ENPP6: variants seen among roughly 807,000 people sequenced by gnomAD.
ENPP6 encodes ectonucleotide pyrophosphatase/phosphodiesterase 6.
In ENPP6, 32 loss-of-function variants were observed where a neutral mutation model predicts 42.0. The ratio of observed to expected loss-of-function variants is 0.76; its 90% CI spans 0.58 to 1.02. ENPP6 has a LOEUF of 1.02. Ranked by LOEUF, ENPP6 falls within the 50% of genes least tolerant of loss-of-function variation. The probability of loss-of-function intolerance (pLI) is 0.00; values close to 1 mark genes in which losing one functional copy is unlikely to be tolerated. For missense variants in ENPP6, 552 were observed against 566.8 expected, an observed-to-expected ratio of 0.97 and a Z score of 0.27; for synonymous variants, 213 against 216.0, an observed-to-expected ratio of 0.99 and a Z score of 0.12.
At chr4:184,162,584 G>GAAGGAAGGAAGT (rs1477735148) in intron 1 of ENPP6, among the ~76,000 whole-genome samples, 132 of 151,816 alleles carry the variant, frequency 8.7e-4, no homozygotes, top group African/African-American at 3.1e-3. Context: ...AGAAAGGAAG[G>GAAGGAAGGAAGT]AAGAGAGGGA....
chr4:184,107,050 C>T (rs1736109571), intron 6 of ENPP6, among the ~76,000 whole-genome samples: 1 of 152,202 alleles, frequency 6.6e-6, no homozygotes, highest in South Asian at 2.1e-4. Context: ...CCCACCGTGA[C>T]ATTGTGACAA....
intron 6 of ENPP6, among the ~76,000 whole-genome samples, chr4:184,097,989 C>G (rs537491263): frequency 1.3e-5 from 2 of 152,250 alleles, no homozygotes; most frequent in African/African-American, 4.8e-5. Flanking sequence ...GTGAAGCCCA[C>G]GGGGCGTGCG....
intron 2 of ENPP6, among the ~76,000 whole-genome samples, chr4:184,143,004 A>G (rs998242837): frequency 6.6e-6 from 1 of 152,192 alleles, no homozygotes; most frequent in African/African-American, 2.4e-5. Context: ...CACGTGCCTC[A>G]TGACCTTCTC....
At chr4:184,100,351 A>C (rs1015414427) in intron 6 of ENPP6, among the ~76,000 whole-genome samples, 2 of 152,166 alleles carry the variant, frequency 1.3e-5, no homozygotes, top group African/African-American at 4.8e-5. Flanking sequence ...CAGGCCCATG[A>C]AGAAGGGCCC....
chr4:184,126,569 A>T (rs1201222667), intron 2 of ENPP6, among the ~76,000 whole-genome samples: 1 of 152,254 alleles, frequency 6.6e-6, no homozygotes, highest in Non-Finnish European at 1.5e-5. Context: ...GCAAAGCAAC[A>T]GTTTTATCAA....
At position 184,146,410 on chromosome 4, in the gene ENPP6, C is replaced by A. The variant is rs547207708; in HGVS notation, c.421+7144G>T. On this transcript the variant is annotated intron_variant, in intron 2 of 7. Transcript: ENST00000296741. Reference sequence around the variant, plus strand: ...GCGCCACTGCACTCCAGCCTGGGCTCCAGAGCGAGACTCCGTTTCAAAAAA... The same window carrying A: ...GCGCCACTGCACTCCAGCCTGGGCTACAGAGCGAGACTCCGTTTCAAAAAA... 1.8e-4 allele frequency among the ~76,000 whole-genome samples: 26 copies of A among 147,506 alleles called. No homozygotes were observed. The East Asian group carries it at 3.2e-3, about 18-fold the overall frequency.
At chr4:184,207,057 C>T (rs980782600) in intron 1 of ENPP6, among the ~76,000 whole-genome samples, 3 of 152,252 alleles carry the variant, frequency 2.0e-5, no homozygotes, top group Non-Finnish European at 2.9e-5. Flanking sequence ...TGCCTGCTCC[C>T]CCATCTCAGC....
At chr4:184,202,690 C>T (rs2111116667) in intron 1 of ENPP6, among the ~76,000 whole-genome samples, 1 of 152,222 alleles carries the variant, frequency 6.6e-6, no homozygotes, top group East Asian at 1.9e-4. Context: ...TTTTTTCAGC[C>T]TGGGTCCCAG....
At chr4:184,152,138 C>T (rs963266838) in intron 2 of ENPP6, among the ~76,000 whole-genome samples, 17 of 152,174 alleles carry the variant, frequency 1.1e-4, no homozygotes, top group African/African-American at 4.1e-4. Flanking sequence ...AGCTCACCTG[C>T]GGGTGAGGCC....
At chr4:184,213,011 G>C (rs1275120872) in intron 1 of ENPP6, among the ~76,000 whole-genome samples, 2 of 151,754 alleles carry the variant, frequency 1.3e-5, no homozygotes, top group Non-Finnish European at 2.9e-5. Context: ...TTTAATAAAT[G>C]GTGCTGGGAA....
chr4:184,164,779 G>A (rs1429036967), intron 1 of ENPP6, among the ~76,000 whole-genome samples: 1 of 152,152 alleles, frequency 6.6e-6, no homozygotes, highest in Admixed American at 6.5e-5. Context: ...TGTTAGCCCC[G>A]CTTTCCAGGT....
chr4:184,165,636 C>T (rs1339614455), intron 1 of ENPP6, among the ~76,000 whole-genome samples: 8 of 66,696 alleles, frequency 1.2e-4, no homozygotes, highest in African/African-American at 6.1e-4. Flanking sequence ...ACTGTAAATA[C>T]CTCTAAGGAG....
At chr4:184,158,149 T>C (rs1737205444) in intron 1 of ENPP6, among the ~76,000 whole-genome samples, 1 of 152,240 alleles carries the variant, frequency 6.6e-6, no homozygotes, top group South Asian at 2.1e-4. Context: ...CAGTCTGCTA[T>C]GGACAATAAT....
Position 184,117,459 on chromosome 4 carries a change from C to A in ENPP6, c.675+300G>T, listed in dbSNP as rs148392984. Among the ~76,000 whole-genome samples, 679 of 152,348 alleles carry A rather than the reference C, an allele frequency of 4.5e-3. 23 individuals carry two copies. Among genetic ancestry groups the A allele is most frequent in the Admixed American group, 0.04 (614 of 15,300 alleles). On this transcript the variant is annotated intron_variant, in intron 4 of 7. Coordinates refer to ENST00000296741, the MANE Select transcript of ENPP6 (RefSeq NM_153343.4). ...CGTAAGGTAGAATCAGGACTGGAACCTGTCTACATGTCAAGCTGCTACCAA... is the reference window on the plus strand; with the variant it reads ...CGTAAGGTAGAATCAGGACTGGAACATGTCTACATGTCAAGCTGCTACCAA...
At chr4:184,154,126 T>C (rs775454744) in intron 1 of ENPP6, among the ~76,000 whole-genome samples, 4 of 152,252 alleles carry the variant, frequency 2.6e-5, no homozygotes, top group Non-Finnish European at 5.9e-5. Context: ...CCTCCTCCCG[T>C]GAGATCAGCA....
intron 1 of ENPP6, among the ~76,000 whole-genome samples, chr4:184,158,347 G>A (rs1028481744): frequency 6.6e-6 from 1 of 151,916 alleles, no homozygotes; most frequent in Admixed American, 6.6e-5. Flanking sequence ...TGGCAGTGTC[G>A]AACCACAAAA....
chr4:184,151,700 C>A (rs1031157622), intron 2 of ENPP6, among the ~76,000 whole-genome samples: 1 of 152,184 alleles, frequency 6.6e-6, no homozygotes, highest in Non-Finnish European at 1.5e-5. Flanking sequence ...AATCCATTCC[C>A]TCTGCTATGC....
intron 1 of ENPP6, among the ~76,000 whole-genome samples, chr4:184,185,462 C>T (rs560786385): frequency 6.6e-6 from 1 of 152,194 alleles, no homozygotes; most frequent in Non-Finnish European, 1.5e-5. Flanking sequence ...GCCACATGGT[C>T]TCAGCCTCTG....
At chr4:184,203,838 G>T (rs1485818103) in intron 1 of ENPP6, 1 of 152,226 alleles carries the variant, frequency 6.6e-6, no homozygotes, top group Non-Finnish European at 1.5e-5. Context: ...GTTTGGTCAT[G>T]GAAGTGGGCT....
Sources: gnomAD v4.1 joint callset for allele counts (sites outside exome capture counted in the v4.1 genomes callset) on GRCh38, gnomAD v4.1.1 for gene constraint, MANE v1.5 for transcripts, NCBI Gene and HGNC (gene_info 2026-07-23, HGNC 2026-07-21) for gene names.